The following PARD3B variants were observed in gnomAD, a reference collection of about 807,000 sequenced individuals.
PARD3B encodes partitioning defective 3 homolog B.
Under a neutral mutation model 130.2 loss-of-function variants are expected in PARD3B, and 103 were observed. That is an observed-to-expected ratio of 0.79 (90% CI 0.67 to 0.93). The LOEUF (loss-of-function observed/expected upper bound fraction) is 0.93. Ranked by LOEUF, PARD3B falls within the 40% of genes least tolerant of loss-of-function variation. The pLI is 0.00. For synonymous variants in PARD3B, 583 were observed against 553.2 expected (o/e 1.05, Z -0.76); for missense variants, 1,609 against 1,499.2 (o/e 1.07, Z -1.21).
chr2:204,650,377 C>T (rs1024099358), intron 1 of PARD3B, among the ~76,000 whole-genome samples: 1 of 152,146 alleles, frequency 6.6e-6, no homozygotes, highest in Non-Finnish European at 1.5e-5. Flanking sequence ...GACCATTCAA[C>T]CCAGCAATCT....
chr2:204,984,801 A>C (rs1692989154), intron 3 of PARD3B, among the ~76,000 whole-genome samples: 2 of 152,120 alleles, frequency 1.3e-5, no homozygotes, highest in Admixed American at 6.5e-5. Flanking sequence ...AGATCCATCA[A>C]CTAAGAGCCC....
At chr2:204,833,740 CTG>C (rs2043921315) in intron 2 of PARD3B, among the ~76,000 whole-genome samples, 1 of 152,276 alleles carries the variant, frequency 6.6e-6, no homozygotes, top group South Asian at 2.1e-4. Context: ...CCACGTGGAA[CTG>C]TGAGTCCATT....
intron 3 of PARD3B, among the ~76,000 whole-genome samples, chr2:205,032,245 G>A (rs1187645428): frequency 1.3e-5 from 2 of 152,016 alleles, no homozygotes; most frequent in East Asian, 3.9e-4. Flanking sequence ...ATGTTCTCCA[G>A]CTTGTGTAAT....
chr2:204,605,602 T>G (rs913741744), intron 1 of PARD3B, among the ~76,000 whole-genome samples: 1 of 152,116 alleles, frequency 6.6e-6, no homozygotes, highest in African/African-American at 2.4e-5. Context: ...GATGGAAGTA[T>G]AGTGTAGAGG....
intron 22 of PARD3B, among the ~76,000 whole-genome samples, chr2:205,560,669 GC>G (rs575597691): frequency 3.7e-4 from 57 of 152,292 alleles, no homozygotes; most frequent in South Asian, 6.2e-4. Context: ...GCCTGCTTGG[GC>G]CACGTTCGCC....
At chr2:204,864,436 ATTGCTTGACCACCCAACATCCTTTC>A (rs999314991) in intron 2 of PARD3B, among the ~76,000 whole-genome samples, 2 of 151,994 alleles carry the variant, frequency 1.3e-5, no homozygotes, top group African/African-American at 4.8e-5. Flanking sequence ...ACTTTTTTTT[ATTGCTTGACCACCCAACATCCTTTC>A]TTGCTAGAAC....
At chr2:204,615,064 T>G (rs1251087561) in intron 1 of PARD3B, among the ~76,000 whole-genome samples, 1 of 152,222 alleles carries the variant, frequency 6.6e-6, no homozygotes, top group Non-Finnish European at 1.5e-5. Flanking sequence ...TTTGTCTTAA[T>G]GTAGAAGATA....
intron 1 of PARD3B, among the ~76,000 whole-genome samples, chr2:204,554,917 A>T (rs1001454022): frequency 6.6e-6 from 1 of 152,208 alleles, no homozygotes. Context: ...GAGGGCTACC[A>T]TCATTCCCTT....
At chr2:204,828,453 G>A (rs192644325) in intron 2 of PARD3B, among the ~76,000 whole-genome samples, 2 of 152,168 alleles carry the variant, frequency 1.3e-5, no homozygotes, top group African/African-American at 2.4e-5. Context: ...TAAAAGCTCC[G>A]TAAGTAATTC....
chr2:204,875,422 G>T (rs961111570), intron 2 of PARD3B, among the ~76,000 whole-genome samples: 1 of 152,230 alleles, frequency 6.6e-6, no homozygotes, highest in Non-Finnish European at 1.5e-5. Context: ...ATCTTTAGAG[G>T]GAGTCAATTA....
intron 16 of PARD3B, among the ~76,000 whole-genome samples, chr2:205,247,169 T>C (rs2039608508): frequency 6.6e-6 from 1 of 152,194 alleles, no homozygotes; most frequent in African/African-American, 2.4e-5. Flanking sequence ...TTTTTATCAA[T>C]TTGGTTTTTG....
chr2:205,513,974 G>A lies in PARD3B; in HGVS notation c.3180+13943G>A, dbSNP rs181170494. Among the ~76,000 whole-genome samples the A allele has an allele frequency of 6.6e-5, 10 of 152,120 alleles. 1 individual carries two copies. Among genetic ancestry groups the A allele is most frequent in the South Asian group, 2.1e-4 (1 of 4,818 alleles). On this transcript the variant is annotated intron_variant, in intron 21 of 22. Transcript: ENST00000406610. ...TGTCTGCATTTAGGGCTGTCTGTCC[G>A]CCTCCAAAGTAAGCTACTAAATCTA...
intron 11 of PARD3B, among the ~76,000 whole-genome samples, chr2:205,170,903 G>A (rs772203224): frequency 4.6e-5 from 7 of 150,880 alleles, no homozygotes; most frequent in Admixed American, 2.0e-4. Context: ...TTTGTGTTGT[G>A]CAGTTGTAGT....
At chr2:204,883,447 A>T (rs1559226496) in intron 2 of PARD3B, among the ~76,000 whole-genome samples, 2 of 95,822 alleles carry the variant, frequency 2.1e-5, no homozygotes, top group African/African-American at 5.0e-5. Flanking sequence ...ATATATATAT[A>T]TATATATATT....
Position 204,545,996 on chromosome 2 carries a change from C to G in PARD3B, c.-4C>G. 6.4e-7 allele frequency: 1 copy of G among 1,560,374 alleles called. No homozygotes were observed. The highest frequency in any genetic ancestry group is 8.7e-7 in the Non-Finnish European group (1 of 1,152,262). The stretch of plus-strand genomic sequence containing the variant: ...CCGGCCCGGCGTGGTCGCCGGGGGC[C>G]AGGATGAAAGTGACCGTGTGCTTCG... On this transcript the variant is annotated 5_prime_UTR_variant, in exon 1 of 23. Transcript: ENST00000406610.
At chr2:205,345,446 A>G (rs1244736428) in intron 18 of PARD3B, among the ~76,000 whole-genome samples, 1 of 152,170 alleles carries the variant, frequency 6.6e-6, no homozygotes, top group Non-Finnish European at 1.5e-5. Context: ...AAGGTCAGAA[A>G]AAACATTTAT....
chr2:204,866,362 A>G (rs2045414580), intron 2 of PARD3B, among the ~76,000 whole-genome samples: 1 of 152,164 alleles, frequency 6.6e-6, no homozygotes, highest in African/African-American at 2.4e-5. Context: ...ATGAAACACT[A>G]AAATAGGGAT....
intron 3 of PARD3B, among the ~76,000 whole-genome samples, chr2:205,042,877 G>GA (rs76777414): frequency 0.19 from 25,594 of 137,698 alleles, 2,581 homozygotes; most frequent in East Asian, 0.27. Flanking sequence ...TTAACTGTGT[G>GA]AAAAAAAAAA....
At chr2:205,013,591 T>C (rs926325681) in intron 3 of PARD3B, among the ~76,000 whole-genome samples, 1 of 152,148 alleles carries the variant, frequency 6.6e-6, no homozygotes, top group Non-Finnish European at 1.5e-5. Flanking sequence ...GCCTCTGTCA[T>C]TGGATACTAA....
Sources: gnomAD v4.1 joint callset for allele counts (sites outside exome capture counted in the v4.1 genomes callset) on GRCh38, gnomAD v4.1.1 for gene constraint, MANE v1.5 for transcripts, NCBI Gene and HGNC (gene_info 2026-07-23, HGNC 2026-07-21) for gene names.